Variants in SLCO1A2 observed in about 807,000 individuals in gnomAD.
SLCO1A2 encodes the protein solute carrier organic anion transporter family member 1A2.
Under a neutral mutation model 69.0 loss-of-function variants are expected in SLCO1A2, and 67 were observed. The ratio of observed to expected loss-of-function variants is 0.97; its 90% CI spans 0.80 to 1.19. SLCO1A2 has a LOEUF of 1.19. Among genes scored for constraint, SLCO1A2 ranks in the 50% most tolerant of loss-of-function variants. The probability of loss-of-function intolerance (pLI) is 0.00; values close to 1 mark genes in which losing one functional copy is unlikely to be tolerated. For synonymous variants in SLCO1A2, 260 were observed against 265.9 expected (o/e 0.98, Z 0.22); for missense variants, 787 against 793.7 (o/e 0.99, Z 0.10).
rs1387531792 is a variant in SLCO1A2 at position 21,292,283 on chromosome 12, A to C, written c.1491T>G (p.Leu497=). 6.2e-7 allele frequency: 1 copy of C among 1,612,450 alleles called. No homozygotes were observed. Among genetic ancestry groups the C allele is most frequent in the African/African-American group, 1.3e-5 (1 of 74,930 alleles). The change falls in exon 12 of 15, where the codon CTT becomes CTG. Residue 497 remains leucine, a synonymous_variant. Coordinates refer to ENST00000683939, the MANE Select transcript of SLCO1A2 (RefSeq NM_001386879.1). ...AGTCAGGTCCTTTGTCGCACAGCCCAAGAACTGCAGATGAATTTCCTGATG... is the reference window on the plus strand; with the variant it reads ...AGTCAGGTCCTTTGTCGCACAGCCCCAGAACTGCAGATGAATTTCCTGATG... ...IQTSGNSSAV[L]GLCDKGPDCS...
chr12:21,345,780 A>G (rs1037091658), intron 2 of SLCO1A2, among the ~76,000 whole-genome samples: 3 of 152,136 alleles, frequency 2.0e-5, no homozygotes, highest in African/African-American at 7.2e-5. Flanking sequence ...CAAATTCACC[A>G]AATTTGCAAA....
At chr12:21,319,544 A>G (rs1045276860) in intron 2 of SLCO1A2, 9 of 1,123,226 alleles carry the variant, frequency 8.0e-6, no homozygotes, top group Middle Eastern at 4.6e-4. Flanking sequence ...TCTAAGGCAT[A>G]TAAGCCCAGG....
intron 1 of SLCO1A2, among the ~76,000 whole-genome samples, chr12:21,386,732 G>A (rs12307592): frequency 0.041 from 6,229 of 151,976 alleles, 170 homozygotes; most frequent in African/African-American, 0.078. Context: ...AATTGGTACC[G>A]GGATTAGTGG....
chr12:21,342,926 C>T (rs1223999649), intron 2 of SLCO1A2, among the ~76,000 whole-genome samples: 2 of 151,964 alleles, frequency 1.3e-5, no homozygotes, highest in African/African-American at 2.4e-5. Context: ...GAGAGCAGCT[C>T]TAGGGGGAAA....
At chr12:21,369,409 AT>A (rs1939625369) in intron 2 of SLCO1A2, among the ~76,000 whole-genome samples, 1 of 152,150 alleles carries the variant, frequency 6.6e-6, no homozygotes, top group Non-Finnish European at 1.5e-5. Flanking sequence ...CCACCCTCTA[AT>A]TCATTCCACA....
At chr12:21,347,831 T>C (rs1953327290) in intron 2 of SLCO1A2, among the ~76,000 whole-genome samples, 1 of 152,034 alleles carries the variant, frequency 6.6e-6, no homozygotes, top group Non-Finnish European at 1.5e-5. Context: ...GGACAAAAAA[T>C]AGAAACAGAT....
At chr12:21,323,228 C>T (rs11830993) in intron 2 of SLCO1A2, among the ~76,000 whole-genome samples, 7,161 of 152,218 alleles carry the variant, frequency 0.047, 552 homozygotes, top group African/African-American at 0.16. Context: ...CAATTAGCTA[C>T]ACAAAACATA....
intron 1 of SLCO1A2, among the ~76,000 whole-genome samples, chr12:21,406,032 G>A (rs1941818280): frequency 6.6e-6 from 1 of 152,184 alleles, no homozygotes; most frequent in African/African-American, 2.4e-5. Context: ...ATTGTTATAA[G>A]CAAAAGAGTC....
intron 2 of SLCO1A2, chr12:21,373,138 G>A (rs1052186618): frequency 8.5e-6 from 5 of 587,660 alleles, no homozygotes; most frequent in Non-Finnish European, 1.5e-5. Flanking sequence ...ATTGCTTAGA[G>A]AAGGAAATTG....
intron 2 of SLCO1A2, among the ~76,000 whole-genome samples, chr12:21,350,528 A>G (rs1184199876): frequency 6.6e-6 from 1 of 152,262 alleles, no homozygotes; most frequent in South Asian, 2.1e-4. Flanking sequence ...ACATGCAAAT[A>G]AATACAAATT....
chr12:21,295,896 A>G lies in SLCO1A2; in HGVS notation c.1076-104T>C, dbSNP rs549487449. 1.9e-5 allele frequency: 12 copies of G among 629,956 alleles called. No homozygotes were observed. The Admixed American group carries it at 2.6e-4, about 14-fold the overall frequency. 39.0% of individuals were successfully genotyped at this position (629,956 alleles called of 1,614,324 possible). On this transcript the variant is annotated intron_variant, in intron 9 of 14. Transcript: ENST00000683939. Reference sequence around the variant, plus strand: ...CTTATATAAGTAACTATTTAGGTCCAACTCATAGTGAAGAAGAATGATTTA... The same window carrying G: ...CTTATATAAGTAACTATTTAGGTCCGACTCATAGTGAAGAAGAATGATTTA...
At chr12:21,333,825 C>T (rs985715775) in intron 2 of SLCO1A2, among the ~76,000 whole-genome samples, 5 of 152,110 alleles carry the variant, frequency 3.3e-5, no homozygotes, top group African/African-American at 1.2e-4. Flanking sequence ...AATTAACATA[C>T]CATTTCAGGC....
At chr12:21,401,055 A>T (rs1941685183) in intron 1 of SLCO1A2, among the ~76,000 whole-genome samples, 1 of 151,838 alleles carries the variant, frequency 6.6e-6, no homozygotes, top group South Asian at 2.1e-4. Context: ...AAAAAAAATC[A>T]GGAACAAATA....
At chr12:21,284,492 T>G (rs1945390736) in intron 12 of SLCO1A2, among the ~76,000 whole-genome samples, 1 of 151,902 alleles carries the variant, frequency 6.6e-6, no homozygotes, top group Non-Finnish European at 1.5e-5. Flanking sequence ...AACTCAGCTC[T>G]GCACCAAGCG....
intron 5 of SLCO1A2, among the ~76,000 whole-genome samples, chr12:21,305,611 G>T (rs1481009181): frequency 6.6e-6 from 1 of 152,176 alleles, no homozygotes; most frequent in Non-Finnish European, 1.5e-5. Context: ...CACCTTCCTG[G>T]AGATGTGCCA....
intron 12 of SLCO1A2, among the ~76,000 whole-genome samples, chr12:21,278,219 A>C (rs2136139165): frequency 6.6e-6 from 1 of 152,214 alleles, no homozygotes; most frequent in South Asian, 2.1e-4. Context: ...GTGCCACCTC[A>C]GCCACACTAG....
At chr12:21,389,846 C>G (rs1941066035) in intron 1 of SLCO1A2, among the ~76,000 whole-genome samples, 1 of 151,010 alleles carries the variant, frequency 6.6e-6, no homozygotes, top group African/African-American at 2.4e-5. Flanking sequence ...AATAAACTAT[C>G]TGGTTTCTTC....
intron 12 of SLCO1A2, among the ~76,000 whole-genome samples, chr12:21,287,266 AT>A (rs1448758815): frequency 2.0e-5 from 3 of 150,280 alleles, no homozygotes; most frequent in Admixed American, 6.6e-5. Context: ...AAAATTGCTC[AT>A]CATCACTGGC....
At position 21,270,783 on chromosome 12, in the gene SLCO1A2, TGTAA is replaced by T. The variant is rs531757171; in HGVS notation, c.1794-1020_1794-1017del. Among the ~76,000 whole-genome samples the T allele has an allele frequency of 3.2e-4, 49 of 151,784 alleles. No individual in the cohort carries two copies. The East Asian group carries it at 3.7e-3, about 11-fold the overall frequency. On this transcript the variant is annotated intron_variant, in intron 14 of 14. Coordinates refer to ENST00000683939, the MANE Select transcript of SLCO1A2 (RefSeq NM_001386879.1). Reference sequence around the variant, plus strand: ...TAAATTGTTATATCTAAAATCCCTATGTAAGTGTTATAATATCTGTACTTATATT... The same window carrying T: ...TAAATTGTTATATCTAAAATCCCTATGTGTTATAATATCTGTACTTATATT...
Sources: allele counts gnomAD v4.1 joint callset (sites outside exome capture counted in the v4.1 genomes callset), GRCh38; gene constraint gnomAD v4.1.1; transcripts MANE v1.5; gene names NCBI Gene and HGNC (gene_info 2026-07-23, HGNC 2026-07-21).